The following SORCS1 variants were observed in gnomAD, a reference collection of about 807,000 sequenced individuals.
SORCS1 encodes the protein VPS10 domain-containing receptor SorCS1.
Under a neutral mutation model 146.1 loss-of-function variants are expected in SORCS1, and 60 were observed. The ratio of observed to expected loss-of-function variants is 0.41; its 90% CI spans 0.33 to 0.51. SORCS1 has a LOEUF of 0.51. Among genes scored for constraint, SORCS1 ranks in the 20% least tolerant of loss-of-function variants. The pLI is 0.21. For synonymous variants in SORCS1, 637 were observed against 584.0 expected (o/e 1.09, Z -1.31); for missense variants, 1,352 against 1,487.6 (o/e 0.91, Z 1.50).
intron 1 of SORCS1, among the ~76,000 whole-genome samples, chr10:107,089,784 C>T (rs1394603628): frequency 6.6e-6 from 1 of 152,206 alleles, no homozygotes; most frequent in Non-Finnish European, 1.5e-5. Flanking sequence ...CAAACCCCAT[C>T]TTTAACCACA....
intron 1 of SORCS1, among the ~76,000 whole-genome samples, chr10:106,994,257 C>G (rs1207352087): frequency 3.9e-5 from 6 of 152,080 alleles, no homozygotes. Context: ...TTTGGGGGGT[C>G]AGCTCTTTAT....
chr10:107,016,788 G>A (rs1296462616), intron 1 of SORCS1, among the ~76,000 whole-genome samples: 1 of 152,102 alleles, frequency 6.6e-6, no homozygotes, highest in African/African-American at 2.4e-5. Context: ...AGTAATAGAT[G>A]ACTCATACCA....
rs147241381 is a variant in SORCS1 at position 107,083,495 on chromosome 10, G to A, written c.558+80474C>T. ...ATGTTTTTAAGTTAAAACCCTTGAT[G>A]ACTAAGACACAACCACTTAGAAGAT... On this transcript the variant is annotated intron_variant, in intron 1 of 25. Coordinates refer to ENST00000263054, the MANE Select transcript of SORCS1 (RefSeq NM_052918.5). Among the ~76,000 whole-genome samples the A allele has an allele frequency of 1.2e-3, 180 of 152,200 alleles. 1 individual carries two copies. The highest frequency in any genetic ancestry group is 3.5e-3 in the African/African-American group (147 of 41,518).
At chr10:106,861,555 G>T (rs963043298) in intron 2 of SORCS1, among the ~76,000 whole-genome samples, 1 of 152,086 alleles carries the variant, frequency 6.6e-6, no homozygotes, top group African/African-American at 2.4e-5. Context: ...ATATAGCAGT[G>T]ACAATGGAAT....
At chr10:106,578,987 T>G (rs570883971) in intron 25 of SORCS1, 209 of 1,485,248 alleles carry the variant, frequency 1.4e-4, no homozygotes, top group Non-Finnish European at 1.2e-5. Flanking sequence ...CTCAGGGGTG[T>G]TAGAGCAAAA....
chr10:106,814,687 G>A (rs1947641446), intron 3 of SORCS1, among the ~76,000 whole-genome samples: 1 of 152,014 alleles, frequency 6.6e-6, no homozygotes, highest in Non-Finnish European at 1.5e-5. Flanking sequence ...GGCCAAGGCG[G>A]GTGGATCACG....
chr10:107,042,298 C>T lies in SORCS1; in HGVS notation c.559-85718G>A, dbSNP rs145941467. Among the ~76,000 whole-genome samples, 8 of 152,322 alleles carry T rather than the reference C, an allele frequency of 5.3e-5. No individual in the cohort carries two copies. The East Asian group carries it at 1.3e-3, about 26-fold the overall frequency. ...AAGAACTATGGAATGACAATAATAACAACGAATAGCTTTACACTGGCAGGA... is the reference window on the plus strand; with the variant it reads ...AAGAACTATGGAATGACAATAATAATAACGAATAGCTTTACACTGGCAGGA... On this transcript the variant is annotated intron_variant, in intron 1 of 25. Coordinates refer to ENST00000263054, the MANE Select transcript of SORCS1 (RefSeq NM_052918.5).
At chr10:106,906,224 C>A (rs1951903266) in intron 2 of SORCS1, among the ~76,000 whole-genome samples, 1 of 152,244 alleles carries the variant, frequency 6.6e-6, no homozygotes, top group Non-Finnish European at 1.5e-5. Context: ...AAGCAATTCT[C>A]CTGCCTCAGC....
chr10:107,027,977 G>A (rs1193030151), intron 1 of SORCS1, among the ~76,000 whole-genome samples: 1 of 152,216 alleles, frequency 6.6e-6, no homozygotes, highest in Non-Finnish European at 1.5e-5. Flanking sequence ...TATGGTGAAT[G>A]AGTGAAAGAA....
chr10:107,122,322 T>C (rs1480426372), intron 1 of SORCS1, among the ~76,000 whole-genome samples: 1 of 152,198 alleles, frequency 6.6e-6, no homozygotes, highest in African/African-American at 2.4e-5. Flanking sequence ...AAGTCTGATT[T>C]TCATTTCCTT....
intron 2 of SORCS1, among the ~76,000 whole-genome samples, chr10:106,834,599 T>C (rs904002874): frequency 1.3e-5 from 2 of 152,076 alleles, no homozygotes; most frequent in African/African-American, 2.4e-5. Flanking sequence ...AGAGGAACTA[T>C]AAAATTATCT....
chr10:107,164,206 C>G lies in SORCS1; in HGVS notation c.321G>C (p.Arg107=), dbSNP rs1969930934. Reference sequence around the variant, plus strand: ...CCTGATCCGCTCCGCTCCGTCTCCTCCGGCCGGAGCGTGCAGCAACCGCCA... The same window carrying G: ...CCTGATCCGCTCCGCTCCGTCTCCTGCGGCCGGAGCGTGCAGCAACCGCCA... ...ASMAVAARSG[R]RRRSGADQEK... The change falls in exon 1 of 26, where the codon CGG becomes CGC. Residue 107 remains arginine (R), a synonymous_variant. Transcript: ENST00000263054. This position sits in a 1 kb window ranked among gnomAD's most constrained non-coding sequence, Gnocchi z 6.8. The G allele has an allele frequency of 1.2e-6, 2 of 1,609,898 alleles. No individual in the cohort carries two copies.
intron 2 of SORCS1, among the ~76,000 whole-genome samples, chr10:106,951,874 C>T (rs1350487009): frequency 6.6e-6 from 1 of 152,098 alleles, no homozygotes; most frequent in African/African-American, 2.4e-5. Flanking sequence ...TGAAACCTCC[C>T]CAATAGTCCC....
chr10:106,944,617 A>C (rs1275476009), intron 2 of SORCS1, among the ~76,000 whole-genome samples: 1 of 152,224 alleles, frequency 6.6e-6, no homozygotes, highest in East Asian at 1.9e-4. Flanking sequence ...GATTTATACC[A>C]GTTAGCATGG....
intron 2 of SORCS1, among the ~76,000 whole-genome samples, chr10:106,936,810 T>C (rs978913506): frequency 2.6e-5 from 4 of 152,202 alleles, no homozygotes; most frequent in African/African-American, 9.7e-5. Flanking sequence ...AAGGGGATAA[T>C]GGAAAACAAA....
intron 1 of SORCS1, among the ~76,000 whole-genome samples, 192 bp downstream of exon 1, chr10:107,163,777 T>C (rs1407772005): frequency 6.6e-6 from 1 of 152,154 alleles, no homozygotes; most frequent in South Asian, 2.1e-4. Context: ...TCTGATGGTG[T>C]TGGTGGGAGA....
intron 3 of SORCS1, among the ~76,000 whole-genome samples, chr10:106,799,573 T>C (rs1946762014): frequency 6.6e-6 from 1 of 152,040 alleles, no homozygotes; most frequent in African/African-American, 2.4e-5. Flanking sequence ...GGGCAAAGGA[T>C]ATGAACAGAC....
chr10:106,630,704 C>T (rs774435793), intron 18 of SORCS1, among the ~76,000 whole-genome samples: 4 of 152,218 alleles, frequency 2.6e-5, no homozygotes, highest in East Asian at 1.9e-4. Flanking sequence ...ATCTGTAAAA[C>T]GCTACATAAA....
chr10:106,773,948 CA>C (rs201554993), intron 4 of SORCS1, among the ~76,000 whole-genome samples: 48 of 143,614 alleles, frequency 3.3e-4, no homozygotes, highest in Non-Finnish European at 3.1e-4. Context: ...GACTCCATCT[CA>C]AAAAAAAAAA....
Sources: gnomAD v4.1 joint callset for allele counts (sites outside exome capture counted in the v4.1 genomes callset) on GRCh38, gnomAD v4.1.1 for gene constraint, Gnocchi (gnomAD v3.1) non-coding constraint, MANE v1.5 for transcripts, NCBI Gene and HGNC (gene_info 2026-07-23, HGNC 2026-07-21) for gene names.